Variants in NLN observed in about 807,000 individuals in gnomAD.
NLN encodes the protein neurolysin.
Under a neutral mutation model 79.9 loss-of-function variants are expected in NLN, and 64 were observed. The observed-to-expected ratio is 0.80, with a 90% CI of 0.65 to 0.99. The LOEUF (loss-of-function observed/expected upper bound fraction) is 0.99. Ranked by LOEUF, NLN falls within the 50% of genes least tolerant of loss-of-function variation. The pLI, the probability that NLN is intolerant of heterozygous loss-of-function variation, is 0.00. For missense variants in NLN, 835 were observed against 858.7 expected, an observed-to-expected ratio of 0.97 and a Z score of 0.34; for synonymous variants, 267 against 296.6, an observed-to-expected ratio of 0.90 and a Z score of 1.02.
rs1760878240 is a variant in NLN, at chr5:65,824,641, G to C, written c.*1726G>C. 1 of 152,132 alleles carries C rather than the reference G, an allele frequency of 6.6e-6. No individual in the cohort carries two copies. Among genetic ancestry groups the C allele is most frequent in the Non-Finnish European group, 1.5e-5 (1 of 68,028 alleles). The allele number at this position is 152,132 out of a possible 1,614,324, so 9.4% of individuals were successfully genotyped here. A position where few individuals can be genotyped will look rare whatever the true frequency, so the allele number is the denominator to read the frequency against. ...CTTATTTCATAGAAAAACTAAATTG[G>C]TGTGGAAAGGCTGCACACAATAAAG... On this transcript the variant is annotated 3_prime_UTR_variant, in exon 13 of 13. Coordinates refer to ENST00000380985, the MANE Select transcript of NLN (RefSeq NM_020726.5).
intron 1 of NLN, among the ~76,000 whole-genome samples, chr5:65,731,984 C>T (rs990785374): frequency 3.3e-5 from 5 of 152,020 alleles, no homozygotes; most frequent in Non-Finnish European, 7.4e-5. Context: ...CTCCTGGGCT[C>T]AAGCAATCCT....
chr5:65,748,157 T>G (rs1329770371), intron 1 of NLN, among the ~76,000 whole-genome samples: 4 of 152,090 alleles, frequency 2.6e-5, no homozygotes, highest in African/African-American at 9.7e-5. Flanking sequence ...GCCAAGATCG[T>G]GCCACTGCAC....
chr5:65,828,429 A>C lies in NLN; in HGVS notation c.*5514A>C, dbSNP rs548524600. The stretch of plus-strand genomic sequence containing the variant: ...GATAACTTTGAAAATACTTCTCAAA[A>C]GAAAAATAAAAAAGAATTAGGGAAG... On this transcript the variant is annotated 3_prime_UTR_variant, in exon 13 of 13. Coordinates refer to ENST00000380985, the MANE Select transcript of NLN (RefSeq NM_020726.5). The C allele has an allele frequency of 2.0e-5, 3 of 152,376 alleles. No individual in the cohort carries two copies. Among genetic ancestry groups the C allele is most frequent in the African/African-American group, 7.2e-5 (3 of 41,592 alleles). 9.4% of individuals were successfully genotyped at this position (152,376 alleles called of 1,614,324 possible). A position where few individuals can be genotyped will look rare whatever the true frequency, so the allele number is the denominator to read the frequency against.
Position 65,738,904 on chromosome 5 carries a change from G to A in NLN, c.41+16490G>A, listed in dbSNP as rs181769473. Reference sequence around the variant, plus strand: ...CCTGAGTAGCTGGGATCACAGGTGCGTGCCACCTATGATATATATGTGTGT... The same window carrying A: ...CCTGAGTAGCTGGGATCACAGGTGCATGCCACCTATGATATATATGTGTGT... On this transcript the variant is annotated intron_variant, in intron 1 of 12. Coordinates refer to ENST00000380985, the MANE Select transcript of NLN (RefSeq NM_020726.5). 8.8e-3 allele frequency among the ~76,000 whole-genome samples: 1,252 copies of A among 143,044 alleles called. 14 individuals carry two copies. Among genetic ancestry groups the A allele is most frequent in the African/African-American group, 0.031 (1,186 of 38,532 alleles). The allele number at this position is 143,044 out of a possible 152,430, so 93.8% of individuals were successfully genotyped here. A position where few individuals can be genotyped will look rare whatever the true frequency, so the allele number is the denominator to read the frequency against.
intron 3 of NLN, among the ~76,000 whole-genome samples, chr5:65,764,884 A>T (rs1258420416): frequency 6.6e-6 from 1 of 152,212 alleles, no homozygotes; most frequent in East Asian, 1.9e-4. Context: ...AACATCTTCC[A>T]TGACAAATGG....
At chr5:65,800,678 A>ATTTT (rs1347189986) in intron 9 of NLN, among the ~76,000 whole-genome samples, 1 of 149,698 alleles carries the variant, frequency 6.7e-6, no homozygotes, top group Non-Finnish European at 1.5e-5. Flanking sequence ...TTATTTATTT[A>ATTTT]TTTATTTATT....
Position 65,781,405 on chromosome 5 carries a change from A to G in NLN, c.806A>G (p.Asn269Ser). The part of the protein sequence containing the change: ...ETRRRMEMAF[N>S]TRCKEENTII... ...AGAAGAAGGATGGAAATGGCTTTTA[A>G]TACAAGGTGCAAAGAGGTATTATAA... Residue 269 changes from asparagine (N) to serine (S), a missense_variant, in exon 6 of 13, where the codon AAT (asparagine) becomes AGT (serine). Physicochemically the swap from Asn to Ser is conservative, Grantham distance 46. Coordinates refer to ENST00000380985, the MANE Select transcript of NLN (RefSeq NM_020726.5). The G allele has an allele frequency of 6.2e-7, 1 of 1,606,510 alleles. No homozygotes were observed. Among genetic ancestry groups the G allele is most frequent in the East Asian group, 2.2e-5 (1 of 44,814 alleles).
intron 1 of NLN, among the ~76,000 whole-genome samples, chr5:65,740,670 T>C (rs1467712718): frequency 6.6e-6 from 1 of 151,934 alleles, no homozygotes; most frequent in African/African-American, 2.4e-5. Flanking sequence ...CTGAAGAGAC[T>C]GTCTTTTCGT....
At chr5:65,740,142 T>G (rs1758838314) in intron 1 of NLN, among the ~76,000 whole-genome samples, 1 of 152,210 alleles carries the variant, frequency 6.6e-6, no homozygotes, top group Non-Finnish European at 1.5e-5. Flanking sequence ...ATTGAATGCC[T>G]GAGGCTAGGT....
chr5:65,733,041 C>G (rs1758646061), intron 1 of NLN: 2 of 1,295,626 alleles, frequency 1.5e-6, no homozygotes, highest in East Asian at 4.6e-5. Flanking sequence ...GATGATTTCC[C>G]ACCCCCCTCC....
At chr5:65,787,895 G>A (rs2150761343) in intron 7 of NLN, among the ~76,000 whole-genome samples, 1 of 152,260 alleles carries the variant, frequency 6.6e-6, no homozygotes, top group Non-Finnish European at 1.5e-5. Flanking sequence ...AAGAAAAAGG[G>A]GCTAGGACCA....
chr5:65,802,186 G>A (rs945840328), intron 9 of NLN, among the ~76,000 whole-genome samples: 3 of 152,350 alleles, frequency 2.0e-5, no homozygotes, highest in East Asian at 1.9e-4. Flanking sequence ...CACTCAGCTC[G>A]CACTACTGGC....
At chr5:65,820,584 C>T (rs1388540227) in intron 12 of NLN, among the ~76,000 whole-genome samples, 1 of 152,096 alleles carries the variant, frequency 6.6e-6, no homozygotes, top group Non-Finnish European at 1.5e-5. Context: ...TGTGGTTGGG[C>T]TCAAGAGCCA....
intron 1 of NLN, among the ~76,000 whole-genome samples, chr5:65,723,584 G>A (rs1335399153): frequency 6.6e-6 from 1 of 152,164 alleles, no homozygotes; most frequent in East Asian, 1.9e-4. Flanking sequence ...GGAGGCCGAG[G>A]CGGGTGGATC....
At chr5:65,753,382 C>G (rs1759144002) in intron 1 of NLN, among the ~76,000 whole-genome samples, 1 of 152,102 alleles carries the variant, frequency 6.6e-6, no homozygotes, top group South Asian at 2.1e-4. Context: ...GGCACGGTGG[C>G]TCATGCCTGT....
rs760572199 is a variant in NLN, at chr5:65,723,814, C to CAAAAAAAAAAAA, written c.41+1411_41+1422dup. Among the ~76,000 whole-genome samples, 170 of 55,270 alleles carry CAAAAAAAAAAAA rather than the reference C, an allele frequency of 3.1e-3. 4 individuals are homozygous for CAAAAAAAAAAAA. The highest frequency in any genetic ancestry group is 4.8e-3 in the East Asian group (8 of 1,666). The allele number at this position is 55,270 out of a possible 152,430, so 36.3% of individuals were successfully genotyped here. A position where few individuals can be genotyped will look rare whatever the true frequency, so the allele number is the denominator to read the frequency against. ...TGGGCGACAGAGCAAGACTCCGTCTCAAAAAAAAAAAAAAAAAAAAAAGAA... is the reference window on the plus strand; with the variant it reads ...TGGGCGACAGAGCAAGACTCCGTCTCAAAAAAAAAAAAAAAAAAAAAAAAAAAAAAAAAAGAA... On this transcript the variant is annotated intron_variant, in intron 1 of 12. Transcript: ENST00000380985.
intron 1 of NLN, among the ~76,000 whole-genome samples, chr5:65,752,823 G>A (rs1759128994): frequency 6.6e-6 from 1 of 152,132 alleles, no homozygotes; most frequent in South Asian, 2.1e-4. Flanking sequence ...CTTTTCTTTG[G>A]TAACAAGAAC....
chr5:65,725,193 T>C (rs1438757864), intron 1 of NLN, among the ~76,000 whole-genome samples: 2 of 152,234 alleles, frequency 1.3e-5, no homozygotes. Flanking sequence ...GCATTTAAGC[T>C]GCTGCACTGT....
intron 1 of NLN, among the ~76,000 whole-genome samples, chr5:65,736,245 T>C (rs374726316): frequency 6.6e-6 from 1 of 152,224 alleles, no homozygotes; most frequent in Non-Finnish European, 1.5e-5. Flanking sequence ...ATAATGAAAC[T>C]AGTTTCACAT....
Sources: gnomAD v4.1 joint callset for allele counts (sites outside exome capture counted in the v4.1 genomes callset) on GRCh38, gnomAD v4.1.1 for gene constraint, MANE v1.5 for transcripts, NCBI Gene and HGNC (gene_info 2026-07-23, HGNC 2026-07-21) for gene names.